Variants in GPHN observed in about 807,000 individuals in gnomAD.
GPHN encodes the protein gephyrin.
In GPHN, 17 loss-of-function variants were observed where a neutral mutation model predicts 95.5. That is an observed-to-expected ratio of 0.18 (90% CI 0.12 to 0.27). GPHN has a LOEUF of 0.27. GPHN is among the 10% of genes least tolerant of loss of function. The probability of loss-of-function intolerance (pLI) is 1.00; values close to 1 mark genes in which losing one functional copy is unlikely to be tolerated. For synonymous variants in GPHN, 320 were observed against 322.5 expected, an observed-to-expected ratio of 0.99 and a Z score of 0.08; for missense variants, 660 against 978.1, an observed-to-expected ratio of 0.67 and a Z score of 4.34.
At chr14:66,727,444 C>A (rs1014713294) in intron 2 of GPHN, among the ~76,000 whole-genome samples, 1 of 152,076 alleles carries the variant, frequency 6.6e-6, no homozygotes, top group Admixed American at 6.5e-5. Flanking sequence ...CAGAAGAAGA[C>A]AGGAAAATGT....
At position 66,712,657 on chromosome 14, in the gene GPHN, C is replaced by T. The variant is rs1013386576; in HGVS notation, c.143+31472C>T. Among the ~76,000 whole-genome samples, 24 of 152,196 alleles carry T rather than the reference C, an allele frequency of 1.6e-4. No homozygotes were observed. The South Asian group carries it at 2.3e-3, about 14-fold the overall frequency. ...TTTAGTTTAATTAGATCCCATTTGT[C>T]CATTTTGGCTTTTGTTGCCAATCAA... is the stretch of plus-strand genomic sequence containing the variant. On this transcript the variant is annotated intron_variant, in intron 2 of 22. Transcript: ENST00000478722.
Position 66,961,195 on chromosome 14 carries a change from A to G in GPHN, c.829-3996A>G, listed in dbSNP as rs79118475. 3.2e-3 allele frequency among the ~76,000 whole-genome samples: 483 copies of G among 151,882 alleles called. 11 individuals carry two copies. Among genetic ancestry groups the G allele is most frequent in the African/African-American group, 0.011 (457 of 41,444 alleles). On this transcript the variant is annotated intron_variant, in intron 8 of 22. Transcript: ENST00000478722. ...GTCTTCAAGGCCACCTTTTTTGTCTATTTTTCTTGATTACCCATTTACCTG... is the reference window on the plus strand; with the variant it reads ...GTCTTCAAGGCCACCTTTTTTGTCTGTTTTTCTTGATTACCCATTTACCTG...
At chr14:67,198,272 G>A in the GPHN span, 2 of 1,613,920 alleles carry the variant, frequency 1.2e-6, no homozygotes, top group Non-Finnish European at 1.7e-6. Context: ...ATGGAGGAGA[G>A]TATGCCCCTT....
chr14:66,723,332 A>G (rs2070933294), intron 2 of GPHN, among the ~76,000 whole-genome samples: 1 of 151,092 alleles, frequency 6.6e-6, no homozygotes, highest in African/African-American at 2.4e-5. Flanking sequence ...AAAGGTTATA[A>G]CCTTTTGGTT....
chr14:66,557,646 G>A (rs1330611192), intron 1 of GPHN, among the ~76,000 whole-genome samples: 1 of 152,058 alleles, frequency 6.6e-6, no homozygotes, highest in Non-Finnish European at 1.5e-5. Flanking sequence ...GAGCCTTCAT[G>A]TTTTCTCATG....
At chr14:67,508,753 CAAA>C in the GPHN span, among the ~76,000 whole-genome samples, 6 of 46,708 alleles carry the variant, frequency 1.3e-4, no homozygotes, top group African/African-American at 2.0e-4. Flanking sequence ...AACCTTGTCT[CAAA>C]AAAAAAAAAA....
intron 1 of GPHN, among the ~76,000 whole-genome samples, chr14:66,634,058 A>C (rs936947135): frequency 4.0e-5 from 6 of 151,212 alleles, no homozygotes; most frequent in African/African-American, 1.5e-4. Context: ...TATCTTGTAG[A>C]GTTTCCTTAG....
chr14:66,794,439 C>T (rs963322245), intron 3 of GPHN, among the ~76,000 whole-genome samples: 1 of 152,156 alleles, frequency 6.6e-6, no homozygotes, highest in African/African-American at 2.4e-5. Flanking sequence ...GCCAGTTAAA[C>T]CTGTTTTCTC....
At chr14:67,385,305 A>C in the GPHN span, 6 of 152,278 alleles carry the variant, frequency 3.9e-5, no homozygotes, top group Admixed American at 1.3e-4. Flanking sequence ...CAAATCTTGA[A>C]TTTCTGCCAG....
At chr14:67,583,876 C>G in the GPHN span, 3 of 1,613,738 alleles carry the variant, frequency 1.9e-6, no homozygotes, top group Non-Finnish European at 2.5e-6. Flanking sequence ...CCCCGCTGAA[C>G]AGCTGAGGTA....
chr14:66,753,740 CT>C (rs1183359461), intron 2 of GPHN, among the ~76,000 whole-genome samples: 1 of 151,994 alleles, frequency 6.6e-6, no homozygotes, highest in African/African-American at 2.4e-5. Context: ...ATAAAATTTA[CT>C]TATTTTAAGT....
At chr14:67,078,828 C>A (rs1187658655) in intron 11 of GPHN, among the ~76,000 whole-genome samples, 1 of 152,066 alleles carries the variant, frequency 6.6e-6, no homozygotes, top group East Asian at 1.9e-4. Flanking sequence ...GGAGCCCTTA[C>A]CATTTTCCAC....
At chr14:67,161,242 G>A (rs1463786950) in intron 19 of GPHN, among the ~76,000 whole-genome samples, 3 of 152,090 alleles carry the variant, frequency 2.0e-5, no homozygotes, top group African/African-American at 7.2e-5. Context: ...ACAGTGAGCC[G>A]AGATCATGCC....
the GPHN span, chr14:67,467,008 A>AAG: frequency 6.6e-6 from 1 of 151,638 alleles, no homozygotes; most frequent in Non-Finnish European, 1.5e-5. Context: ...AAAAAAAAAA[A>AAG]AAAAAAAAGA....
At chr14:66,783,362 A>T (rs922252364) in intron 3 of GPHN, among the ~76,000 whole-genome samples, 3 of 151,978 alleles carry the variant, frequency 2.0e-5, no homozygotes, top group Admixed American at 2.0e-4. Flanking sequence ...TGGCTATGAT[A>T]TTAAAGTTGA....
At chr14:67,614,796 T>C in the GPHN span, 9 of 152,166 alleles carry the variant, frequency 5.9e-5, no homozygotes, top group African/African-American at 1.9e-4. Context: ...TCCAGACTTA[T>C]CACTGCCTAA....
chr14:67,397,943 G>C, the GPHN span: 4 of 762,154 alleles, frequency 5.2e-6, no homozygotes, highest in Non-Finnish European at 8.2e-6. Context: ...CAGTCTCCAA[G>C]GAAGACAGCA....
chr14:67,497,701 G>A, the GPHN span, among the ~76,000 whole-genome samples: 1 of 152,172 alleles, frequency 6.6e-6, no homozygotes, highest in Admixed American at 6.5e-5. Flanking sequence ...GCAAAATGGA[G>A]GGGATACTGT....
At chr14:67,050,681 G>A (rs560537423) in intron 10 of GPHN, among the ~76,000 whole-genome samples, 2 of 152,162 alleles carry the variant, frequency 1.3e-5, no homozygotes, top group Admixed American at 6.5e-5. Flanking sequence ...AAACAAGGAG[G>A]GGCCAAGATG....
Sources: gnomAD v4.1 joint callset for allele counts (sites outside exome capture counted in the v4.1 genomes callset) on GRCh38, gnomAD v4.1.1 for gene constraint, MANE v1.5 for transcripts, NCBI Gene and HGNC (gene_info 2026-07-23, HGNC 2026-07-21) for gene names.